The following ZEB1 variants were observed in gnomAD, a reference collection of about 807,000 sequenced individuals.
The protein encoded by ZEB1 is zinc finger E-box binding homeobox 1, also known as zinc finger E-box-binding homeobox 1.
Under a neutral mutation model 84.9 loss-of-function variants are expected in ZEB1, and 21 were observed. That is an observed-to-expected ratio of 0.25 (90% confidence interval 0.18 to 0.36). The LOEUF is 0.36. Among genes scored for constraint, ZEB1 ranks in the 10% least tolerant of loss-of-function variants. The probability of loss-of-function intolerance (pLI) is 1.00; values close to 1 mark genes in which losing one functional copy is unlikely to be tolerated. For synonymous variants in ZEB1, 420 were observed against 471.1 expected (o/e 0.89, Z 1.41); for missense variants, 1,104 against 1,330.2 (o/e 0.83, Z 2.65).
chr10:31,335,590 C>T (rs1394509973), intron 1 of ZEB1, among the ~76,000 whole-genome samples: 1 of 152,140 alleles, frequency 6.6e-6, no homozygotes, highest in Non-Finnish European at 1.5e-5. Flanking sequence ...CTTAGCAAGT[C>T]AGTAAATGAG....
rs1297891888 is a variant in ZEB1, at chr10:31,520,765, A to G, written c.1433A>G (p.Tyr478Cys). 1 of 1,614,062 alleles carries G rather than the reference A, an allele frequency of 6.2e-7. No homozygotes were observed. The highest frequency in any genetic ancestry group is 1.1e-5 in the South Asian group (1 of 91,074). The stretch of plus-strand genomic sequence containing the variant: ...GGAACAACCAAAATTATCATCAACT[A>G]CAGTCTTGAGCAGCCTAGCCAACTT... The part of the protein sequence containing the change: ...QDGTTKIIIN[Y>C]SLEQPSQLQV... The change falls in exon 7 of 9, where the codon TAC (tyrosine) becomes TGC (cysteine). Residue 478 changes from tyrosine to cysteine, a missense_variant. Coordinates refer to ENST00000424869, the MANE Select transcript of ZEB1 (RefSeq NM_001174096.2). The surrounding 1 kb of genome is among the most constrained non-coding windows in gnomAD (Gnocchi z 5.1).
intron 1 of ZEB1, among the ~76,000 whole-genome samples, chr10:31,412,766 A>C (rs1288328106): frequency 6.6e-6 from 1 of 152,158 alleles, no homozygotes; most frequent in African/African-American, 2.4e-5. Context: ...TAAGCTTTTC[A>C]GAAAGTTTCT....
rs1211976852 is a variant in ZEB1, at chr10:31,520,105, T to C, written c.794-21T>C. The C allele has an allele frequency of 6.2e-7, 1 of 1,607,458 alleles. No individual in the cohort carries two copies. The highest frequency in any genetic ancestry group is 8.5e-7 in the Non-Finnish European group (1 of 1,176,218). The stretch of plus-strand genomic sequence containing the variant: ...ATATGTAATAATTCAGTGAATATAA[T>C]TTGTTTGTTTGTTTGTTTAGGAGAG... On this transcript the variant is annotated intron_variant, in intron 6 of 8. Transcript: ENST00000424869. The surrounding 1 kb of genome is among the most constrained non-coding windows in gnomAD (Gnocchi z 5.1).
At chr10:31,398,539 A>G (rs1042287789) in intron 1 of ZEB1, among the ~76,000 whole-genome samples, 2 of 152,146 alleles carry the variant, frequency 1.3e-5, no homozygotes, top group Non-Finnish European at 2.9e-5. Context: ...CTTAAAAAAA[A>G]TCTTACTCCC....
At chr10:31,409,224 A>G (rs576416792) in intron 1 of ZEB1, among the ~76,000 whole-genome samples, 3,511 of 152,226 alleles carry the variant, frequency 0.023, 132 homozygotes, top group African/African-American at 0.078. Context: ...TAGAATGGCA[A>G]TCATTAAAAA....
chr10:31,371,544 A>G (rs1301768939), intron 1 of ZEB1, among the ~76,000 whole-genome samples: 2 of 152,192 alleles, frequency 1.3e-5, no homozygotes, highest in Non-Finnish European at 2.9e-5. Flanking sequence ...AAGTCTTCTC[A>G]GATCAGTCCC....
chr10:31,327,026 G>T, intron 1 of ZEB1, among the ~76,000 whole-genome samples: 1 of 147,422 alleles, frequency 6.8e-6, no homozygotes, highest in African/African-American at 2.5e-5. Context: ...TACCTCTTTT[G>T]TGTGTTTTGT....
intron 2 of ZEB1, among the ~76,000 whole-genome samples, chr10:31,469,914 C>A (rs1426488282): frequency 1.3e-5 from 2 of 152,190 alleles, no homozygotes; most frequent in African/African-American, 2.4e-5. Context: ...CCCTAACCCC[C>A]GAGCAGCCTA....
chr10:31,406,480 C>T (rs1354873317), intron 1 of ZEB1, among the ~76,000 whole-genome samples: 2 of 151,572 alleles, frequency 1.3e-5, no homozygotes, highest in Non-Finnish European at 2.9e-5. Flanking sequence ...ATTTTTTGGC[C>T]GCATAAATGT....
At position 31,433,463 on chromosome 10, in the gene ZEB1, C is replaced by T. The variant is rs544804858; in HGVS notation, c.59-27574C>T. On this transcript the variant is annotated intron_variant, in intron 1 of 8. Transcript: ENST00000424869. ...ATTTGGCTTATTTTTGAGAAAATAT[C>T]TGCCAAATACTCAAACCTGAATAAC... Among the ~76,000 whole-genome samples, 34 of 152,288 alleles carry T rather than the reference C, an allele frequency of 2.2e-4. No homozygotes were observed. In the South Asian group the frequency reaches 5.8e-3, roughly 26 times the overall value.
At position 31,440,390 on chromosome 10, in the gene ZEB1, A is replaced by G. The variant is rs546930999; in HGVS notation, c.59-20647A>G. 9.4e-4 allele frequency among the ~76,000 whole-genome samples: 143 copies of G among 152,310 alleles called. 2 individuals are homozygous for G. The highest frequency in any genetic ancestry group is 3.4e-3 in the African/African-American group (140 of 41,562). On this transcript the variant is annotated intron_variant, in intron 1 of 8. Coordinates refer to ENST00000424869, the MANE Select transcript of ZEB1 (RefSeq NM_001174096.2). ...GCTAAAAACTCTCAATAAATTAGGTATTGATGGGACGTATCTCAAAATAAT... is the reference window on the plus strand; with the variant it reads ...GCTAAAAACTCTCAATAAATTAGGTGTTGATGGGACGTATCTCAAAATAAT...
chr10:31,469,540 C>T (rs1417274579), intron 2 of ZEB1, among the ~76,000 whole-genome samples: 9 of 151,674 alleles, frequency 5.9e-5, no homozygotes, highest in Middle Eastern at 3.2e-3. Flanking sequence ...GATTATATCC[C>T]GCACCTGGCT....
At chr10:31,406,452 GTT>G (rs151223606) in intron 1 of ZEB1, among the ~76,000 whole-genome samples, 5 of 146,090 alleles carry the variant, frequency 3.4e-5, no homozygotes, top group African/African-American at 1.2e-4. Context: ...GTGATGATGA[GTT>G]TTTTTTTTTT....
intron 2 of ZEB1, among the ~76,000 whole-genome samples, chr10:31,485,366 C>T (rs1437732430): frequency 5.9e-5 from 9 of 151,868 alleles, no homozygotes; most frequent in Admixed American, 1.3e-4. Context: ...AGTTGTATCA[C>T]TCCCCAAAGT....
At chr10:31,504,924 G>T in intron 4 of ZEB1, among the ~76,000 whole-genome samples, 1 of 152,022 alleles carries the variant, frequency 6.6e-6, no homozygotes, top group East Asian at 1.9e-4. Flanking sequence ...TTCCAAATTG[G>T]ATGGCTTTTA....
chr10:31,409,338 C>T (rs150715471), intron 1 of ZEB1, among the ~76,000 whole-genome samples: 2,315 of 152,024 alleles, frequency 0.015, 44 homozygotes, highest in African/African-American at 0.052. Flanking sequence ...GTCAGTGTGG[C>T]GATTCCTCAG....
rs1430506361 is a variant in ZEB1, at chr10:31,408,155, G to A, written c.59-52882G>A. On this transcript the variant is annotated intron_variant, in intron 1 of 8. Transcript: ENST00000424869. ...AACTCCCATTCACAATTGCTTCAAAGAGAATAAAATACCTAGGAATCCAAC... is the reference window on the plus strand; with the variant it reads ...AACTCCCATTCACAATTGCTTCAAAAAGAATAAAATACCTAGGAATCCAAC... 8.6e-5 allele frequency among the ~76,000 whole-genome samples: 13 copies of A among 151,570 alleles called. No individual in the cohort carries two copies. In the East Asian group the frequency reaches 2.3e-3, roughly 27 times the overall value.
At chr10:31,362,089 G>C in intron 1 of ZEB1, among the ~76,000 whole-genome samples, 1 of 151,148 alleles carries the variant, frequency 6.6e-6, no homozygotes. Context: ...GAGGAGGCCG[G>C]GCAGGGGCAC....
chr10:31,335,786 CAA>C (rs1420783245), intron 1 of ZEB1, among the ~76,000 whole-genome samples: 2 of 151,820 alleles, frequency 1.3e-5, no homozygotes, highest in East Asian at 1.9e-4. Flanking sequence ...AGTAAACAAA[CAA>C]AGATACAATG....
Sources: allele counts gnomAD v4.1 joint callset (sites outside exome capture counted in the v4.1 genomes callset), GRCh38; gene constraint gnomAD v4.1.1; non-coding constraint Gnocchi (gnomAD v3.1); transcripts MANE v1.5; gene names NCBI Gene and HGNC (gene_info 2026-07-23, HGNC 2026-07-21).